Variants in ZDHHC14 observed in about 807,000 individuals in gnomAD.
ZDHHC14 encodes palmitoyltransferase ZDHHC14.
ZDHHC14 carries 16 observed loss-of-function variants against 47.7 expected under a neutral mutation model. The observed-to-expected ratio is 0.34, with a 90% CI of 0.23 to 0.51. The LOEUF (loss-of-function observed/expected upper bound fraction) is 0.51. Ranked by LOEUF, ZDHHC14 falls within the 20% of genes least tolerant of loss-of-function variation. The pLI is 0.97. For missense variants in ZDHHC14, 515 were observed against 662.5 expected (o/e 0.78, Z 2.44); for synonymous variants, 293 against 278.9 (o/e 1.05, Z -0.50).
rs1055567403 is a variant in ZDHHC14, at chr6:157,542,591, G to A, written c.252G>A (p.Pro84=). The stretch of plus-strand genomic sequence containing the variant: ...CTGTCCAACCTGTCGGCAGCTGTCC[G>A]TACCTGGCGGTGAAAATCACCCCTG... ...TSGLFFAFDC[P]YLAVKITPAI... Residue 84 remains proline, a synonymous_variant, in exon 2 of 9, where the codon CCG becomes CCA. Coordinates refer to ENST00000359775, the MANE Select transcript of ZDHHC14 (RefSeq NM_024630.3). The A allele has an allele frequency of 1.1e-5, 17 of 1,613,760 alleles. No individual in the cohort carries two copies. The highest frequency in any genetic ancestry group is 4.5e-5 in the East Asian group (2 of 44,874).
At chr6:157,389,664 A>G (rs1047065048) in intron 1 of ZDHHC14, among the ~76,000 whole-genome samples, 4 of 152,154 alleles carry the variant, frequency 2.6e-5, no homozygotes, top group African/African-American at 7.2e-5. Flanking sequence ...TTAATTGCTT[A>G]AGAGATTACA....
intron 1 of ZDHHC14, among the ~76,000 whole-genome samples, chr6:157,535,711 T>C (rs1424094354): frequency 6.6e-6 from 1 of 152,330 alleles, no homozygotes; most frequent in East Asian, 1.9e-4. Context: ...GGTCCTGCCA[T>C]CGTGATCTTG....
chr6:157,606,304 A>T (rs1206797999), intron 3 of ZDHHC14, among the ~76,000 whole-genome samples: 1 of 152,074 alleles, frequency 6.6e-6, no homozygotes, highest in Non-Finnish European at 1.5e-5. Context: ...TGTGTCTACT[A>T]AAAATACAAA....
chr6:157,412,768 C>A (rs1050826760), intron 1 of ZDHHC14, among the ~76,000 whole-genome samples: 1 of 152,186 alleles, frequency 6.6e-6, no homozygotes, highest in East Asian at 1.9e-4. Flanking sequence ...GGTGCACGCC[C>A]ACGTCAGAAT....
intron 2 of ZDHHC14, among the ~76,000 whole-genome samples, chr6:157,564,246 T>A (rs1454662397): frequency 2.0e-5 from 3 of 152,122 alleles, no homozygotes; most frequent in Admixed American, 2.0e-4. Flanking sequence ...GGGCTTTGGT[T>A]GGATAATCAG....
chr6:157,585,883 T>C (rs1057031360), intron 2 of ZDHHC14, among the ~76,000 whole-genome samples: 9 of 152,230 alleles, frequency 5.9e-5, no homozygotes, highest in Non-Finnish European at 8.8e-5. Context: ...TGAGGGGCTA[T>C]AGGCACAAGA....
chr6:157,496,443 C>T (rs1188299820), intron 1 of ZDHHC14, among the ~76,000 whole-genome samples: 1 of 152,168 alleles, frequency 6.6e-6, no homozygotes, highest in Non-Finnish European at 1.5e-5. Flanking sequence ...CCCCCAGGAC[C>T]TCAGAATGTG....
intron 1 of ZDHHC14, among the ~76,000 whole-genome samples, chr6:157,514,749 C>T (rs1583734865): frequency 6.6e-6 from 1 of 152,234 alleles, no homozygotes; most frequent in Admixed American, 6.5e-5. Context: ...CCCAGCCTCT[C>T]TTCCCCGCTG....
chr6:157,454,385 A>C (rs1480838190), intron 1 of ZDHHC14, among the ~76,000 whole-genome samples: 1 of 152,232 alleles, frequency 6.6e-6, no homozygotes, highest in Non-Finnish European at 1.5e-5. Flanking sequence ...TTAACATACC[A>C]CACTCTTTAA....
intron 1 of ZDHHC14, among the ~76,000 whole-genome samples, chr6:157,401,713 A>G (rs1167134902): frequency 1.4e-5 from 2 of 145,060 alleles, no homozygotes; most frequent in Non-Finnish European, 3.0e-5. Context: ...GACACCCTGC[A>G]GTAGTGAGAT....
Position 157,543,183 on chromosome 6 carries a change from T to C in ZDHHC14, c.406+438T>C, listed in dbSNP as rs1038021536. Among the ~76,000 whole-genome samples the C allele has an allele frequency of 2.6e-5, 4 of 152,318 alleles. 1 individual carries two copies. The South Asian group carries it at 8.3e-4, about 32-fold the overall frequency. ...GCTTTCTTGTTTATCCAGGCCAGGA[T>C]TGAGAATTTCCTTTATTTAGGTATA... On this transcript the variant is annotated intron_variant, in intron 2 of 8. Coordinates refer to ENST00000359775, the MANE Select transcript of ZDHHC14 (RefSeq NM_024630.3).
chr6:157,575,169 T>C (rs1462251788), intron 2 of ZDHHC14, among the ~76,000 whole-genome samples: 1 of 152,152 alleles, frequency 6.6e-6, no homozygotes, highest in Admixed American at 6.5e-5. Flanking sequence ...TCTTCTACCT[T>C]GGGGGAGCTC....
In ZDHHC14 at chr6:157,675,470, G is replaced by A. The variant is rs1332920486; in HGVS notation, c.*2348G>A. The A allele has an allele frequency of 1.3e-5, 2 of 152,200 alleles. No homozygotes were observed. The highest frequency in any genetic ancestry group is 2.9e-5 in the Non-Finnish European group (2 of 68,052). 9.4% of individuals were successfully genotyped at this position (152,200 alleles called of 1,614,324 possible). On this transcript the variant is annotated 3_prime_UTR_variant, in exon 9 of 9. Transcript: ENST00000359775. ...GCATCATTTATCCAATAGGGGACTG[G>A]GAATTTTGGTGAAGTGAATCAAGGC...
At chr6:157,590,675 A>T (rs1783874189) in intron 2 of ZDHHC14, among the ~76,000 whole-genome samples, 1 of 152,232 alleles carries the variant, frequency 6.6e-6, no homozygotes, top group Admixed American at 6.5e-5. Flanking sequence ...ATGTGGGGTC[A>T]GAGCCCCCAC....
intron 1 of ZDHHC14, among the ~76,000 whole-genome samples, chr6:157,418,102 G>A (rs1778020934): frequency 6.6e-6 from 1 of 152,170 alleles, no homozygotes; most frequent in African/African-American, 2.4e-5. Flanking sequence ...CTGACTCCAG[G>A]GGACACATCC....
intron 3 of ZDHHC14, among the ~76,000 whole-genome samples, chr6:157,597,666 G>C (rs1784183394): frequency 6.6e-6 from 1 of 152,364 alleles, no homozygotes; most frequent in African/African-American, 2.4e-5. Flanking sequence ...CAGCCCTGCT[G>C]TCCTGTGTGG....
intron 8 of ZDHHC14, among the ~76,000 whole-genome samples, chr6:157,657,619 T>C: frequency 6.6e-6 from 1 of 152,150 alleles, no homozygotes; most frequent in South Asian, 2.1e-4. Context: ...GTGAGTACCA[T>C]GGTCTACCGC....
chr6:157,598,822 A>G (rs1423939909), intron 3 of ZDHHC14, among the ~76,000 whole-genome samples: 2 of 152,224 alleles, frequency 1.3e-5, no homozygotes, highest in Non-Finnish European at 2.9e-5. Context: ...ATGTTCAACC[A>G]TTCATGGAAC....
intron 1 of ZDHHC14, among the ~76,000 whole-genome samples, chr6:157,478,039 T>C (rs185508455): frequency 6.6e-6 from 1 of 152,340 alleles, no homozygotes; most frequent in African/African-American, 2.4e-5. Context: ...AGTTAATATA[T>C]CTGTCTATTT....
Sources: gnomAD v4.1 joint callset for allele counts (sites outside exome capture counted in the v4.1 genomes callset) on GRCh38, gnomAD v4.1.1 for gene constraint, MANE v1.5 for transcripts, NCBI Gene and HGNC (gene_info 2026-07-23, HGNC 2026-07-21) for gene names.